TDRP: variants seen among roughly 807,000 people sequenced by gnomAD.
TDRP encodes the protein testis development-related protein.
In TDRP, 12 loss-of-function variants were observed where a neutral mutation model predicts 10.5. That is an observed-to-expected ratio of 1.15 (90% CI 0.73 to 1.86). The LOEUF is 1.86. TDRP is among the 40% of genes most tolerant of loss of function. The pLI is 0.00. For missense variants in TDRP, 353 were observed against 229.2 expected, an observed-to-expected ratio of 1.54 and a Z score of -3.49; for synonymous variants, 139 against 95.4, an observed-to-expected ratio of 1.46 and a Z score of -2.67.
At chr8:510,804 C>A (rs146537046) in intron 1 of TDRP, among the ~76,000 whole-genome samples, 83 of 152,164 alleles carry the variant, frequency 5.5e-4, no homozygotes, top group African/African-American at 2.0e-3. Flanking sequence ...CAAAGTGCAC[C>A]GGTAATGGTA....
intron 1 of TDRP, among the ~76,000 whole-genome samples, chr8:522,443 C>T (rs1327218123): frequency 6.6e-6 from 1 of 152,208 alleles, no homozygotes; most frequent in Non-Finnish European, 1.5e-5. Flanking sequence ...CTCCCTTTGC[C>T]ATGCATTGTG....
chr8:501,682 A>T lies in TDRP; in HGVS notation c.109-7085T>A, dbSNP rs544593101. Among the ~76,000 whole-genome samples the T allele has an allele frequency of 2.6e-5, 4 of 152,340 alleles. No homozygotes were observed. The East Asian group carries it at 7.7e-4, about 29-fold the overall frequency. On this transcript the variant is annotated intron_variant, in intron 1 of 2. Transcript: ENST00000324079. Reference sequence around the variant, plus strand: ...ATACGTTTTAAAGGTATTTAAAGTCATAGGTCAGGAAAAATTAGAAACCTT... The same window carrying T: ...ATACGTTTTAAAGGTATTTAAAGTCTTAGGTCAGGAAAAATTAGAAACCTT...
At chr8:529,302 A>C (rs1310471566) in intron 1 of TDRP, among the ~76,000 whole-genome samples, 1 of 152,220 alleles carries the variant, frequency 6.6e-6, no homozygotes, top group Non-Finnish European at 1.5e-5. Flanking sequence ...AAAATTAAAA[A>C]TTAAAAAACC....
chr8:493,994 T>TG lies in TDRP; in HGVS notation c.212+499_212+500insC, dbSNP rs1801057555. ...CGAACACCACAACTCATTTCTGTTGTTTTTTTTTTTTTTTTTTTTGAGACA... is the reference window on the plus strand; with the variant it reads ...CGAACACCACAACTCATTTCTGTTGTGTTTTTTTTTTTTTTTTTTTGAGACA... On this transcript the variant is annotated intron_variant, in intron 2 of 2. Transcript: ENST00000324079. Among the ~76,000 whole-genome samples the TG allele has an allele frequency of 4.2e-4, 8 of 18,970 alleles. No individual in the cohort carries two copies. In the Admixed American group the frequency reaches 4.9e-3, roughly 12 times the overall value. 12.4% of individuals were successfully genotyped at this position (18,970 alleles called of 152,430 possible). A position where few individuals can be genotyped will look rare whatever the true frequency, so the allele number is the denominator to read the frequency against.
chr8:542,806 G>C (rs1486833138), intron 1 of TDRP, among the ~76,000 whole-genome samples: 3 of 145,166 alleles, frequency 2.1e-5, no homozygotes, highest in African/African-American at 7.6e-5. Context: ...GCAGTGAGCT[G>C]AGATCACGCC....
At chr8:536,990 ATC>A (rs1418601948) in intron 1 of TDRP, among the ~76,000 whole-genome samples, 2 of 152,050 alleles carry the variant, frequency 1.3e-5, no homozygotes, top group East Asian at 1.9e-4. Context: ...CCCTACAAAT[ATC>A]TGTTTACCCA....
At chr8:493,616 G>A (rs1226147057) in intron 2 of TDRP, among the ~76,000 whole-genome samples, 1 of 152,226 alleles carries the variant, frequency 6.6e-6, no homozygotes, top group Non-Finnish European at 1.5e-5. Context: ...ATATCATTGG[G>A]TAGTCACTGA....
intron 1 of TDRP, among the ~76,000 whole-genome samples, chr8:535,031 C>T (rs1360292469): frequency 3.3e-5 from 5 of 152,252 alleles, no homozygotes; most frequent in South Asian, 2.1e-4. Flanking sequence ...TAAAAGGACT[C>T]GTTATCTTTC....
intron 1 of TDRP, among the ~76,000 whole-genome samples, chr8:504,070 A>G (rs1801385582): frequency 6.6e-6 from 1 of 151,990 alleles, no homozygotes; most frequent in South Asian, 2.1e-4. Flanking sequence ...CACCCACCTC[A>G]GCAAGCACCA....
At chr8:525,009 G>C (rs1235290918) in intron 1 of TDRP, among the ~76,000 whole-genome samples, 3 of 152,116 alleles carry the variant, frequency 2.0e-5, no homozygotes, top group Non-Finnish European at 4.4e-5. Context: ...ACTACTTCAA[G>C]GCTTTTACTA....
chr8:511,973 T>C (rs1012578667), intron 1 of TDRP, among the ~76,000 whole-genome samples: 1 of 151,670 alleles, frequency 6.6e-6, no homozygotes, highest in Non-Finnish European at 1.5e-5. Context: ...AGATATCAAA[T>C]CAATAACTTA....
chr8:538,601 T>C (rs182438264), intron 1 of TDRP, among the ~76,000 whole-genome samples: 3 of 150,968 alleles, frequency 2.0e-5, no homozygotes, highest in Non-Finnish European at 4.4e-5. Flanking sequence ...GGGTGTAGAT[T>C]CAATCAAGGC....
intron 1 of TDRP, among the ~76,000 whole-genome samples, chr8:512,526 A>G (rs1451058329): frequency 6.6e-6 from 1 of 152,180 alleles, no homozygotes; most frequent in Non-Finnish European, 1.5e-5. Flanking sequence ...ATGAAAGAGG[A>G]GACATTTCTA....
At chr8:537,614 G>T (rs117717594) in intron 1 of TDRP, among the ~76,000 whole-genome samples, 1 of 152,160 alleles carries the variant, frequency 6.6e-6, no homozygotes, top group African/African-American at 2.4e-5. Context: ...GAGGTTTTTA[G>T]AAGTCTTCAT....
chr8:491,444 G>T lies in TDRP; in HGVS notation c.*955C>A. Reference sequence around the variant, plus strand: ...AAGCAGACAGAAAAAGAACGCGAGAGATGCTCTCAAACCGGTCGTCGATTA... The same window carrying T: ...AAGCAGACAGAAAAAGAACGCGAGATATGCTCTCAAACCGGTCGTCGATTA... On this transcript the variant is annotated 3_prime_UTR_variant, in exon 3 of 3. Coordinates refer to ENST00000324079, the MANE Select transcript of TDRP (RefSeq NM_001384899.1). 1.7e-6 allele frequency: 1 copy of T among 577,258 alleles called. No individual in the cohort carries two copies. Among genetic ancestry groups the T allele is most frequent in the Non-Finnish European group, 2.8e-6 (1 of 360,008 alleles). The allele number at this position is 577,258 out of a possible 1,614,324, so 35.8% of individuals were successfully genotyped here.
intron 1 of TDRP, among the ~76,000 whole-genome samples, chr8:504,844 G>T (rs770366377): frequency 1.3e-5 from 2 of 152,020 alleles, no homozygotes; most frequent in Non-Finnish European, 2.9e-5. Context: ...TCGGAACCCA[G>T]ACTTATAAAT....
chr8:545,581 G>T (rs1361737947), upstream of TDRP: 1 of 152,416 alleles, frequency 6.6e-6, no homozygotes, highest in Admixed American at 6.5e-5. Context: ...GGGGAAGGTG[G>T]AGGGGGCACA....
chr8:527,853 G>C (rs995922227), intron 1 of TDRP, among the ~76,000 whole-genome samples: 1 of 152,096 alleles, frequency 6.6e-6, no homozygotes, highest in African/African-American at 2.4e-5. Context: ...ATTGGACTAA[G>C]CAAAGATTTC....
chr8:523,905 C>T (rs1328066297), intron 1 of TDRP, among the ~76,000 whole-genome samples: 1 of 152,192 alleles, frequency 6.6e-6, no homozygotes, highest in Non-Finnish European at 1.5e-5. Context: ...ATAAGCCTGG[C>T]TGACTTCACC....
Sources: allele counts gnomAD v4.1 joint callset (sites outside exome capture counted in the v4.1 genomes callset), GRCh38; gene constraint gnomAD v4.1.1; transcripts MANE v1.5; gene names NCBI Gene and HGNC (gene_info 2026-07-23, HGNC 2026-07-21).